METTL15: variants seen among roughly 807,000 people sequenced by gnomAD.
The protein encoded by METTL15 is 12S rRNA N(4)-cytidine methyltransferase METTL15.
A neutral mutation model predicts 38.3 loss-of-function variants in METTL15; 34 were observed. The observed-to-expected ratio is 0.89, with a 90% confidence interval of 0.68 to 1.18. METTL15 has a LOEUF of 1.18. Ranked by LOEUF, METTL15 falls within the 50% of genes most tolerant of loss-of-function variation. METTL15 has a pLI of 0.00. For synonymous variants in METTL15, 162 were observed against 170.9 expected, an observed-to-expected ratio of 0.95 and a Z score of 0.41; for missense variants, 438 against 498.4, an observed-to-expected ratio of 0.88 and a Z score of 1.15.
At chr11:28,373,276 G>C (rs1272214215) in intron 5 of METTL15, among the ~76,000 whole-genome samples, 1 of 152,092 alleles carries the variant, frequency 6.6e-6, no homozygotes, top group East Asian at 1.9e-4. Flanking sequence ...ATCCTCTCCA[G>C]CACCTGTTGT....
chr11:28,181,273 TGTA>T (rs1851275780), intron 3 of METTL15, among the ~76,000 whole-genome samples: 1 of 149,770 alleles, frequency 6.7e-6, no homozygotes, highest in Non-Finnish European at 1.5e-5. Flanking sequence ...TTTTTTTTTT[TGTA>T]TTTTAAGTTC....
At chr11:28,179,849 C>G (rs1851219560) in intron 3 of METTL15, among the ~76,000 whole-genome samples, 1 of 151,740 alleles carries the variant, frequency 6.6e-6, no homozygotes, top group South Asian at 2.1e-4. Context: ...GTGGTTGAAT[C>G]TCTTTACATT....
intron 6 of METTL15, among the ~76,000 whole-genome samples, chr11:28,432,929 A>ATTTT (rs11373492): frequency 6.8e-6 from 1 of 146,916 alleles, no homozygotes; most frequent in African/African-American, 2.5e-5. Context: ...TTTTTTCCAC[A>ATTTT]TTTTTTTTTT....
At chr11:28,247,582 G>C (rs1854565576) in intron 4 of METTL15, among the ~76,000 whole-genome samples, 1 of 152,078 alleles carries the variant, frequency 6.6e-6, no homozygotes, top group African/African-American at 2.4e-5. Context: ...CAAAAATGAA[G>C]CTTTATGTAA....
At position 28,110,344 on chromosome 11, in the gene METTL15, CCGTAGTGGT is replaced by C. The variant is rs949065303; in HGVS notation, c.-74_-66del. On this transcript the variant is annotated 5_prime_UTR_variant, in exon 2 of 7. Transcript: ENST00000407364. ...CGCGGCGCATTCAGGTTCTCCTGGA[CCGTAGTGGT>C]AGTCGCTGGCCCGAGTTAGAGGCCA... The C allele has an allele frequency of 1.2e-4, 19 of 152,314 alleles. No homozygotes were observed. The highest frequency in any genetic ancestry group is 3.9e-4 in the African/African-American group (16 of 41,540). 9.4% of individuals were successfully genotyped at this position (152,314 alleles called of 1,614,324 possible).
chr11:28,259,710 A>G (rs1855121396), intron 4 of METTL15, among the ~76,000 whole-genome samples: 1 of 152,144 alleles, frequency 6.6e-6, no homozygotes, highest in African/African-American at 2.4e-5. Context: ...AACACTCTCC[A>G]TACCACGCCT....
intron 4 of METTL15, among the ~76,000 whole-genome samples, chr11:28,361,109 G>A (rs377599184): frequency 5.4e-4 from 82 of 151,074 alleles, no homozygotes; most frequent in Middle Eastern, 3.4e-3. Flanking sequence ...GAATAGTGCC[G>A]CAATAAACAT....
chr11:28,123,875 C>A, intron 3 of METTL15: 1 of 1,476,494 alleles, frequency 6.8e-7, no homozygotes, highest in Non-Finnish European at 9.1e-7. Flanking sequence ...AAGAAGTAAA[C>A]TGTGGATATT....
intron 4 of METTL15, among the ~76,000 whole-genome samples, chr11:28,260,870 C>A (rs551585670): frequency 1.3e-5 from 2 of 152,080 alleles, no homozygotes; most frequent in Non-Finnish European, 2.9e-5. Flanking sequence ...TGAGCCATAA[C>A]CATAGGCTGT....
intron 5 of METTL15, among the ~76,000 whole-genome samples, chr11:28,384,400 C>T (rs935953248): frequency 1.3e-5 from 2 of 151,946 alleles, no homozygotes; most frequent in African/African-American, 4.8e-5. Context: ...CCTCTGCCTC[C>T]CAGGTTCAAG....
chr11:28,366,896 CA>C (rs1176134659), intron 5 of METTL15, among the ~76,000 whole-genome samples: 1 of 152,144 alleles, frequency 6.6e-6, no homozygotes, highest in Non-Finnish European at 1.5e-5. Context: ...CTCCACAAAT[CA>C]GTTAAGAAGT....
chr11:28,404,760 T>C (rs887050392), intron 5 of METTL15, among the ~76,000 whole-genome samples: 1 of 152,056 alleles, frequency 6.6e-6, no homozygotes, highest in African/African-American at 2.4e-5. Context: ...GCAGAAAATG[T>C]AGATGAGCAA....
At chr11:28,120,749 C>G (rs1852193928) in intron 3 of METTL15, among the ~76,000 whole-genome samples, 3 of 152,252 alleles carry the variant, frequency 2.0e-5, no homozygotes, top group African/African-American at 7.2e-5. Flanking sequence ...ACTTGTTGGT[C>G]TGAGAACATC....
At chr11:28,156,289 A>G (rs905158463) in intron 3 of METTL15, among the ~76,000 whole-genome samples, 1 of 152,208 alleles carries the variant, frequency 6.6e-6, no homozygotes, top group Non-Finnish European at 1.5e-5. Flanking sequence ...GTCATATACA[A>G]TTTGAGACAT....
At chr11:28,119,856 G>A (rs1436846385) in intron 3 of METTL15, among the ~76,000 whole-genome samples, 1 of 152,176 alleles carries the variant, frequency 6.6e-6, no homozygotes, top group East Asian at 1.9e-4. Flanking sequence ...AAATATTGGA[G>A]GCTGATGACG....
chr11:28,163,557 G>T (rs1850549252), intron 3 of METTL15: 1 of 396,290 alleles, frequency 2.5e-6, no homozygotes, highest in Admixed American at 4.4e-5. Context: ...CTCTCTGTGT[G>T]TGTGTGTGTG....
chr11:28,373,401 T>C (rs1850268177), intron 5 of METTL15, among the ~76,000 whole-genome samples: 1 of 152,158 alleles, frequency 6.6e-6, no homozygotes, highest in Admixed American at 6.5e-5. Flanking sequence ...ATGTGTTTTT[T>C]GGCTGCATAA....
chr11:28,302,786 T>C (rs1856957208), intron 6 of METTL15, among the ~76,000 whole-genome samples: 1 of 152,206 alleles, frequency 6.6e-6, no homozygotes, highest in Non-Finnish European at 1.5e-5. Context: ...TAGTACTTTA[T>C]TCATCTTTGT....
intron 3 of METTL15, among the ~76,000 whole-genome samples, chr11:28,144,102 T>C (rs1034695817): frequency 6.6e-6 from 1 of 152,204 alleles, no homozygotes; most frequent in African/African-American, 2.4e-5. Flanking sequence ...GTTCATCATT[T>C]TAACCCCAGT....
Sources: gnomAD v4.1 joint callset for allele counts (sites outside exome capture counted in the v4.1 genomes callset) on GRCh38, gnomAD v4.1.1 for gene constraint, MANE v1.5 for transcripts, NCBI Gene and HGNC (gene_info 2026-07-23, HGNC 2026-07-21) for gene names.